Variants in SGPP1 observed in about 807,000 individuals in gnomAD.
SGPP1 encodes hSPP1.
Under a neutral mutation model 33.0 loss-of-function variants are expected in SGPP1, and 21 were observed. The observed-to-expected ratio is 0.64, with a 90% CI of 0.45 to 0.92. The LOEUF is 0.92. Among genes scored for constraint, SGPP1 ranks in the 40% least tolerant of loss-of-function variants. The pLI, the probability that SGPP1 is intolerant of heterozygous loss-of-function variation, is 0.00. For missense variants in SGPP1, 543 were observed against 589.4 expected (o/e 0.92, Z 0.81); for synonymous variants, 239 against 241.2 (o/e 0.99, Z 0.08).
At chr14:63,690,945 C>T (rs1046733549) in intron 2 of SGPP1, among the ~76,000 whole-genome samples, 12 of 152,168 alleles carry the variant, frequency 7.9e-5, no homozygotes, top group Admixed American at 5.9e-4. Context: ...GAACTCCTGA[C>T]CTCAGGTAAT....
chr14:63,720,632 C>T (rs966691735), intron 1 of SGPP1, among the ~76,000 whole-genome samples: 8 of 151,602 alleles, frequency 5.3e-5, no homozygotes, highest in Non-Finnish European at 7.4e-5. Flanking sequence ...TGATGGTGGA[C>T]GCCTGTAATC....
At chr14:63,719,647 C>T (rs1003156113) in intron 1 of SGPP1, among the ~76,000 whole-genome samples, 1 of 151,734 alleles carries the variant, frequency 6.6e-6, no homozygotes, top group Non-Finnish European at 1.5e-5. Flanking sequence ...TAAATTATGT[C>T]ATATTAATAT....
intron 2 of SGPP1, 134 bp downstream of exon 2, chr14:63,698,435 C>T (rs550770940): frequency 1.7e-5 from 8 of 464,380 alleles, no homozygotes; most frequent in South Asian, 9.8e-5. Flanking sequence ...TTGATATTTT[C>T]GCAAAACAAA....
intron 1 of SGPP1, among the ~76,000 whole-genome samples, chr14:63,714,018 A>G (rs1885572887): frequency 6.6e-6 from 1 of 152,178 alleles, no homozygotes; most frequent in Non-Finnish European, 1.5e-5. Context: ...GGGAGATGGG[A>G]CAGACTTTTC....
intron 1 of SGPP1, among the ~76,000 whole-genome samples, chr14:63,703,655 CAAAAAAAAAA>C (rs36065588): frequency 2.6e-5 from 1 of 38,912 alleles, no homozygotes; most frequent in South Asian, 8.7e-4. Flanking sequence ...GACTCCATCT[CAAAAAAAAAA>C]AAAAAAAAAA....
At position 63,727,262 on chromosome 14, in the gene SGPP1, T is replaced by G; in HGVS notation, c.683A>C (p.Gln228Pro). ...SMVLLTYGRW[Q>P]YPLIYGLILI... The stretch of plus-strand genomic sequence containing the variant: ...GAACAGGACGAGAAGGAACCCTACC[T>G]GCCAGCGGCCATAGGTGAGGAGGAC... Residue 228 changes from glutamine to proline, a missense_variant and splice_region_variant, in exon 1 of 3, where the codon CAG (glutamine) becomes CCG (proline). Gln to Pro is a moderately conservative substitution (Grantham distance 76, BLOSUM62 -1). Coordinates refer to ENST00000247225, the MANE Select transcript of SGPP1 (RefSeq NM_030791.4). 6.2e-7 allele frequency: 1 copy of G among 1,606,828 alleles called. No homozygotes were observed. The highest frequency in any genetic ancestry group is 8.5e-7 in the Non-Finnish European group (1 of 1,175,362).
At chr14:63,703,655 C>CAAAAAAAA (rs36065588) in intron 1 of SGPP1, among the ~76,000 whole-genome samples, 3 of 38,934 alleles carry the variant, frequency 7.7e-5, no homozygotes, top group African/African-American at 1.6e-4. Flanking sequence ...GACTCCATCT[C>CAAAAAAAA]AAAAAAAAAA....
Position 63,686,348 on chromosome 14 carries a change from CAG to C in SGPP1, c.1081_1082del (p.Leu361ValfsTer39), listed in dbSNP as rs763949435. The part of the protein sequence containing the change: ...PLAGPPITVT[L>X]FGKAILRILI... ...GGATCCGCAATATGGCTTTTCCAAA[CAG>C]AGTCACAGTAATGGGGGGCCCAGCT... is the stretch of plus-strand genomic sequence containing the variant. On this transcript the variant is annotated frameshift_variant, in exon 3 of 3. Coordinates refer to ENST00000247225, the MANE Select transcript of SGPP1 (RefSeq NM_030791.4). LOFTEE classifies it high-confidence loss of function. The C allele has an allele frequency of 1.2e-6, 2 of 1,613,872 alleles. No individual in the cohort carries two copies. Among genetic ancestry groups the C allele is most frequent in the African/African-American group, 1.3e-5 (1 of 74,902 alleles).
chr14:63,713,809 C>T (rs1885569547), intron 1 of SGPP1, among the ~76,000 whole-genome samples: 1 of 152,154 alleles, frequency 6.6e-6, no homozygotes, highest in African/African-American at 2.4e-5. Context: ...TTTTAGGTGT[C>T]AGCTTGACTG....
chr14:63,688,473 T>C (rs1285529014), intron 2 of SGPP1, among the ~76,000 whole-genome samples: 1 of 151,990 alleles, frequency 6.6e-6, no homozygotes, highest in South Asian at 2.1e-4. Flanking sequence ...AGAAGATGGT[T>C]TACTTGAGGA....
intron 1 of SGPP1, among the ~76,000 whole-genome samples, chr14:63,715,626 G>A (rs1325708543): frequency 6.6e-6 from 1 of 152,140 alleles, no homozygotes; most frequent in Admixed American, 6.5e-5. Flanking sequence ...TCAAAACTGA[G>A]TCCAGCAGTT....
In SGPP1 at chr14:63,727,806, C is replaced by T; in HGVS notation, c.139G>A (p.Ala47Thr). ...AGTCGAGGGTCTCCGGCGAGAGGCG[C>T]CTCCGCTTTCTCATCCTCCCTCCGG... Reference protein sequence around the residue: ...ADRREDEKAEAPLAGDPRLRG... With the variant: ...ADRREDEKAETPLAGDPRLRG... The change falls in exon 1 of 3, where the codon GCG (alanine) becomes ACG (threonine). Residue 47 changes from alanine (A) to threonine (T), a missense_variant. Transcript: ENST00000247225. 6.6e-7 allele frequency: 1 copy of T among 1,506,826 alleles called. No homozygotes were observed. Among genetic ancestry groups the T allele is most frequent in the Non-Finnish European group, 8.8e-7 (1 of 1,134,164 alleles). 93.3% of individuals were successfully genotyped at this position (1,506,826 alleles called of 1,614,324 possible). A position where few individuals can be genotyped will look rare whatever the true frequency, so the allele number is the denominator to read the frequency against.
chr14:63,718,499 T>C lies in SGPP1; in HGVS notation c.684+8762A>G, dbSNP rs556041629. ...CAAAACCATATTGGGACATTCTATA[T>C]CATACATTGGAACATTATACAAAAA... On this transcript the variant is annotated intron_variant, in intron 1 of 2. Transcript: ENST00000247225. 7.2e-5 allele frequency among the ~76,000 whole-genome samples: 11 copies of C among 152,236 alleles called. No homozygotes were observed. In the South Asian group the frequency reaches 2.3e-3, roughly 32 times the overall value.
chr14:63,723,305 T>G (rs1885813765), intron 1 of SGPP1, among the ~76,000 whole-genome samples: 1 of 152,188 alleles, frequency 6.6e-6, no homozygotes, highest in Non-Finnish European at 1.5e-5. Context: ...AGTTATTTAA[T>G]CCTTGGGAAA....
chr14:63,720,128 A>G (rs989930293), intron 1 of SGPP1, among the ~76,000 whole-genome samples: 1 of 121,566 alleles, frequency 8.2e-6, no homozygotes, highest in Non-Finnish European at 1.6e-5. Flanking sequence ...GCATCTCACA[A>G]AAAAAAAAAA....
intron 2 of SGPP1, among the ~76,000 whole-genome samples, chr14:63,687,771 T>G (rs1444057683): frequency 6.6e-6 from 1 of 152,202 alleles, no homozygotes; most frequent in East Asian, 1.9e-4. Context: ...CGAAACTGCT[T>G]GAGCCCAGGA....
In SGPP1 at chr14:63,727,276, GGT is replaced by G; in HGVS notation, c.667_668del (p.Thr223LeufsTer26). 3 of 1,612,194 alleles carry G rather than the reference GGT, an allele frequency of 1.9e-6. No individual in the cohort carries two copies. Among genetic ancestry groups the G allele is most frequent in the Non-Finnish European group, 2.5e-6 (3 of 1,178,764 alleles). Reference protein sequence around the residue: ...TAIPISMVLLTYGRWQYPLIY... With the variant: ...TAIPISMVLLXYGRWQYPLIY... ...GGAACCCTACCTGCCAGCGGCCATAGGTGAGGAGGACCATAGAAATGGGGATG... is the reference window on the plus strand; with the variant it reads ...GGAACCCTACCTGCCAGCGGCCATAGGAGGAGGACCATAGAAATGGGGATG... On this transcript the variant is annotated frameshift_variant, in exon 1 of 3. Coordinates refer to ENST00000247225, the MANE Select transcript of SGPP1 (RefSeq NM_030791.4). LOFTEE classifies it high-confidence loss of function.
chr14:63,727,333 C>G lies in SGPP1; in HGVS notation c.612G>C (p.Met204Ile), dbSNP rs182077306. 5 of 1,614,106 alleles carry G rather than the reference C, an allele frequency of 3.1e-6. No homozygotes were observed. In the Admixed American group the frequency reaches 5.0e-5, roughly 16 times the overall value. ...LEVFYNSEYS[M>I]PSTHAMSGTA... ...TGCCGGACATGGCATGGGTGGAGGGCATGCTGTACTCAGAGTTGTAGAAGA... is the reference window on the plus strand; with the variant it reads ...TGCCGGACATGGCATGGGTGGAGGGGATGCTGTACTCAGAGTTGTAGAAGA... The change falls in exon 1 of 3, where the codon ATG (methionine) becomes ATC (isoleucine). Residue 204 changes from methionine to isoleucine, a missense_variant. Coordinates refer to ENST00000247225, the MANE Select transcript of SGPP1 (RefSeq NM_030791.4).
At chr14:63,695,799 C>T (rs1431729514) in intron 2 of SGPP1, among the ~76,000 whole-genome samples, 4 of 152,130 alleles carry the variant, frequency 2.6e-5, no homozygotes, top group African/African-American at 7.2e-5. Context: ...TAGTCCTAGA[C>T]ACCCGGGAGG....
Sources: allele counts gnomAD v4.1 joint callset (sites outside exome capture counted in the v4.1 genomes callset), GRCh38; gene constraint gnomAD v4.1.1; transcripts MANE v1.5; gene names NCBI Gene and HGNC (gene_info 2026-07-23, HGNC 2026-07-21).